HUS1: variants seen among roughly 807,000 people sequenced by gnomAD.
The protein encoded by HUS1 is checkpoint protein HUS1.
Under a neutral mutation model 32.6 loss-of-function variants are expected in HUS1, and 31 were observed. That is an observed-to-expected ratio of 0.95 (90% CI 0.72 to 1.28). The LOEUF (loss-of-function observed/expected upper bound fraction) is 1.28. Among genes scored for constraint, HUS1 ranks in the 50% most tolerant of loss-of-function variants. The pLI is 0.00. For synonymous variants in HUS1, 123 were observed against 116.6 expected, an observed-to-expected ratio of 1.06 and a Z score of -0.36; for missense variants, 340 against 337.7, an observed-to-expected ratio of 1.01 and a Z score of -0.05.
At chr7:47,970,105 C>T (rs1175846207) in intron 5 of HUS1, among the ~76,000 whole-genome samples, 5 of 151,378 alleles carry the variant, frequency 3.3e-5, no homozygotes, top group Admixed American at 1.3e-4. Context: ...TGGTGGCGGG[C>T]GCCTGTAGTC....
At chr7:47,970,472 G>T (rs1788576585) in intron 5 of HUS1, among the ~76,000 whole-genome samples, 1 of 151,812 alleles carries the variant, frequency 6.6e-6, no homozygotes, top group South Asian at 2.1e-4. Flanking sequence ...AACTGGGATG[G>T]AAAGGAGAAA....
intron 3 of HUS1, among the ~76,000 whole-genome samples, 197 bp from the exon 4 acceptor site, chr7:47,977,034 T>C (rs1302192607): frequency 1.6e-5 from 2 of 122,948 alleles, no homozygotes; most frequent in Non-Finnish European, 3.7e-5. Flanking sequence ...TTCCAGGAAC[T>C]GGGAAGTGTG....
At position 47,979,554 on chromosome 7, in the gene HUS1, G is replaced by C. The variant is rs1237551667; in HGVS notation, c.-35C>G. 3 of 1,563,322 alleles carry C rather than the reference G, an allele frequency of 1.9e-6. No homozygotes were observed. Among genetic ancestry groups the C allele is most frequent in the Non-Finnish European group, 1.8e-6 (2 of 1,138,446 alleles). Reference sequence around the variant, plus strand: ...TGGCGCAGCCGCGGCGGGCCTCTGTGGGTAACAGAAAAGCGTCGCGCCCTG... The same window carrying C: ...TGGCGCAGCCGCGGCGGGCCTCTGTCGGTAACAGAAAAGCGTCGCGCCCTG... On this transcript the variant is annotated 5_prime_UTR_variant, in exon 1 of 8. Coordinates refer to ENST00000258774, the MANE Select transcript of HUS1 (RefSeq NM_004507.4).
chr7:47,978,544 T>A lies in HUS1; in HGVS notation c.230A>T (p.Asn77Ile). 6.2e-7 allele frequency: 1 copy of A among 1,614,230 alleles called. No individual in the cohort carries two copies. The highest frequency in any genetic ancestry group is 8.5e-7 in the Non-Finnish European group (1 of 1,180,038). The change falls in exon 3 of 8, where the codon AAT (asparagine) becomes ATT (isoleucine). Residue 77 changes from asparagine (N) to isoleucine (I), a missense_variant. Asn to Ile is a moderately radical substitution (Grantham distance 149). Coordinates refer to ENST00000258774, the MANE Select transcript of HUS1 (RefSeq NM_004507.4). ...CGATGTTAGCTCTAAATAAATCTCA[T>A]TGTTTTCTGCAGAGACACCCTCCAT... The part of the protein sequence containing the change: ...FQMEGVSAEN[N>I]EIYLELTSEN...
chr7:47,975,552 G>A (rs556975060), intron 5 of HUS1, 61 bp downstream of exon 5: 1 of 1,087,010 alleles, frequency 9.2e-7, no homozygotes, highest in South Asian at 1.3e-5. Flanking sequence ...GGGTGAGCTG[G>A]AGAACCCACG....
chr7:47,970,463 AC>A (rs1788576498), intron 5 of HUS1, among the ~76,000 whole-genome samples: 1 of 152,096 alleles, frequency 6.6e-6, no homozygotes, highest in Non-Finnish European at 1.5e-5. Flanking sequence ...AGTAAGAGAA[AC>A]TGGGATGGAA....
chr7:47,975,014 TA>T (rs1583722064), intron 5 of HUS1, among the ~76,000 whole-genome samples: 1 of 152,114 alleles, frequency 6.6e-6, no homozygotes, highest in East Asian at 1.9e-4. Context: ...CGTTAGCAGG[TA>T]AAAGATACAA....
At position 47,968,271 on chromosome 7, in the gene HUS1, T is replaced by TA. The variant is rs1200133173; in HGVS notation, c.641-347dup. On this transcript the variant is annotated intron_variant, in intron 6 of 7. Transcript: ENST00000258774. ...AAGGCCTGTCATTCTGGAGTGGAAT[T>TA]AAAAAAAAAAAGAAAACATCCTTTC... 1.5e-3 allele frequency among the ~76,000 whole-genome samples: 223 copies of TA among 145,758 alleles called. 2 individuals are homozygous for TA. Among genetic ancestry groups the TA allele is most frequent in the African/African-American group, 4.6e-3 (185 of 39,826 alleles).
intron 4 of HUS1, 92 bp from the exon 5 acceptor site, chr7:47,975,779 G>A: frequency 3.0e-6 from 2 of 669,338 alleles, no homozygotes; most frequent in African/African-American, 1.9e-5. Flanking sequence ...TAGAACACAT[G>A]CATGCTCAAA....
intron 5 of HUS1, among the ~76,000 whole-genome samples, chr7:47,970,462 A>C (rs1788576453): frequency 6.6e-6 from 1 of 152,070 alleles, no homozygotes; most frequent in African/African-American, 2.4e-5. Context: ...TAGTAAGAGA[A>C]ACTGGGATGG....
intron 5 of HUS1, among the ~76,000 whole-genome samples, chr7:47,975,258 C>T (rs1788676913): frequency 6.9e-6 from 1 of 144,506 alleles, no homozygotes; most frequent in African/African-American, 2.6e-5. Flanking sequence ...GCGGAGCTTA[C>T]AGTGAGGTGA....
At chr7:47,972,424 A>T (rs771267906) in intron 5 of HUS1, among the ~76,000 whole-genome samples, 49 of 152,380 alleles carry the variant, frequency 3.2e-4, no homozygotes, top group Non-Finnish European at 5.3e-4. Flanking sequence ...TGCCTAGCAC[A>T]TGGTGGCCTT....
chr7:47,967,705 T>G, intron 7 of HUS1, 101 bp downstream of exon 7: 1 of 1,044,986 alleles, frequency 9.6e-7, no homozygotes, highest in Non-Finnish European at 1.3e-6. Context: ...TTTTTTTTTT[T>G]TTTGGATTTA....
chr7:47,978,790 C>A lies in HUS1; in HGVS notation c.79G>T (p.Ala27Ser), dbSNP rs780317696. Residue 27 changes from alanine (A) to serine (S), a missense_variant, in exon 2 of 8, where the codon GCC (alanine) becomes TCC (serine). Ala to Ser is a moderately conservative substitution (Grantham distance 99). Transcript: ENST00000258774. ...CTGATGCGGAGGGTGCAGGTTTTGG[C>A]AAGCTTGGCTATCATGTTACTGATT... ...TRISNMIAKL[A>S]KTCTLRISPD... 2.5e-6 allele frequency: 4 copies of A among 1,613,960 alleles called. No individual in the cohort carries two copies. The Admixed American group carries it at 6.7e-5, about 27-fold the overall frequency.
In HUS1 at chr7:47,965,047, G is replaced by A. The variant is rs1447526231; in HGVS notation, c.*309C>T. 1.4e-5 allele frequency: 4 copies of A among 278,960 alleles called. No homozygotes were observed. Among genetic ancestry groups the A allele is most frequent in the Admixed American group, 8.9e-5 (2 of 22,368 alleles). 17.3% of individuals were successfully genotyped at this position (278,960 alleles called of 1,614,324 possible). On this transcript the variant is annotated 3_prime_UTR_variant, in exon 8 of 8. Coordinates refer to ENST00000258774, the MANE Select transcript of HUS1 (RefSeq NM_004507.4). ...TTACGAATTCTGGCTACTACACCAA[G>A]TCTAAATACATGACGATTTTCACAA...
chr7:47,968,898 T>C (rs1038297311), intron 6 of HUS1: 4 of 220,984 alleles, frequency 1.8e-5, no homozygotes, highest in Non-Finnish European at 3.5e-5. Context: ...AGGTGAGAAA[T>C]AGAAATCTTT....
intron 6 of HUS1, chr7:47,968,924 A>G (rs2128764903): frequency 3.7e-6 from 1 of 267,540 alleles, no homozygotes; most frequent in Non-Finnish European, 6.9e-6. Flanking sequence ...TAGGACAGGA[A>G]TTGAATAGCT....
In HUS1 at chr7:47,967,925, G is replaced by C; in HGVS notation, c.641C>G (p.Ala214Gly). 6.2e-7 allele frequency: 1 copy of C among 1,609,678 alleles called. No individual in the cohort carries two copies. Among genetic ancestry groups the C allele is most frequent in the Non-Finnish European group, 8.5e-7 (1 of 1,178,132 alleles). ...HFKDLGNPPL[A>G]SESTHEDRNV... ...TCTGTCCTCATGGGTGCTTTCAGAG[G>C]CTAAAATGATAGGAATGCATTTAAA... The change falls in exon 7 of 8, where the codon GCC (alanine) becomes GGC (glycine). Residue 214 changes from alanine (A) to glycine (G), a missense_variant and splice_region_variant. Physicochemically the swap from Ala to Gly is moderately conservative, Grantham distance 60. Coordinates refer to ENST00000258774, the MANE Select transcript of HUS1 (RefSeq NM_004507.4).
chr7:47,976,853 T>A lies in HUS1; in HGVS notation c.358-16A>T, dbSNP rs1179388816. On this transcript the variant is annotated splice_polypyrimidine_tract_variant and intron_variant, in intron 3 of 7. Coordinates refer to ENST00000258774, the MANE Select transcript of HUS1 (RefSeq NM_004507.4). ...ACATAGATAACTGCCAAGAAAAGAA[T>A]TTAAAAATATTTTTATGTTGTTAAT... 1.1e-5 allele frequency: 16 copies of A among 1,516,820 alleles called. No homozygotes were observed. Among genetic ancestry groups the A allele is most frequent in the Admixed American group, 5.0e-5 (3 of 59,412 alleles). 94.0% of individuals were successfully genotyped at this position (1,516,820 alleles called of 1,614,324 possible).
Sources: allele counts gnomAD v4.1 joint callset (sites outside exome capture counted in the v4.1 genomes callset), GRCh38; gene constraint gnomAD v4.1.1; transcripts MANE v1.5; gene names NCBI Gene and HGNC (gene_info 2026-07-23, HGNC 2026-07-21).